TPCN2: variants seen among roughly 807,000 people sequenced by gnomAD.
TPCN2 encodes two pore channel protein 2.
In TPCN2, 92 loss-of-function variants were observed where a neutral mutation model predicts 111.4. The ratio of observed to expected loss-of-function variants is 0.83; its 90% CI spans 0.70 to 0.98. The LOEUF is 0.98. Among genes scored for constraint, TPCN2 ranks in the 50% least tolerant of loss-of-function variants. The pLI is 0.00. For synonymous variants in TPCN2, 405 were observed against 414.5 expected (o/e 0.98, Z 0.28); for missense variants, 995 against 980.1 (o/e 1.02, Z -0.20).
rs369133245 is a variant in TPCN2 at position 69,063,926 on chromosome 11, C to T, written c.685C>T (p.Leu229Phe). The T allele has an allele frequency of 5.0e-6, 8 of 1,614,156 alleles. No individual in the cohort carries two copies. The South Asian group carries it at 8.8e-5, about 18-fold the overall frequency. ...GCTGCTGCTGGCCATCCACCTGTGCCTCTTCACCATGTTCGGAATGCTGCT... is the reference window on the plus strand; with the variant it reads ...GCTGCTGCTGGCCATCCACCTGTGCTTCTTCACCATGTTCGGAATGCTGCT... ...VGLLLAIHLC[L>F]FTMFGMLLFA... Residue 229 changes from leucine to phenylalanine, a missense_variant, in exon 7 of 25, where the codon CTC (leucine) becomes TTC (phenylalanine). Leu to Phe is a conservative substitution (Grantham distance 22). Transcript: ENST00000294309.
intron 7 of TPCN2, among the ~76,000 whole-genome samples, chr11:69,064,665 T>C (rs1855183777): frequency 6.6e-6 from 1 of 152,150 alleles, no homozygotes; most frequent in Non-Finnish European, 1.5e-5. Context: ...GTTGTGGGAG[T>C]GGACAGTGCT....
rs983333296 is a variant in TPCN2 at position 69,062,891 on chromosome 11, G to A, written c.554G>A (p.Arg185Gln). The change falls in exon 6 of 25, where the codon CGG becomes CAG. Residue 185 changes from arginine (R) to glutamine (Q), a missense_variant. By Grantham distance (43) the Arg-to-Gln change is conservative. Coordinates refer to ENST00000294309, the MANE Select transcript of TPCN2 (RefSeq NM_139075.4). Reference protein sequence around the residue: ...SLSLVCHEPLRIRRLLRPFFL... With the variant: ...SLSLVCHEPLQIRRLLRPFFL... ...TTCCTGGGTCTCTTCCAGCCCCTGCGGATCCGCCGGCTTCTCCGTCCCTTC... is the reference window on the plus strand; with the variant it reads ...TTCCTGGGTCTCTTCCAGCCCCTGCAGATCCGCCGGCTTCTCCGTCCCTTC... 9 of 1,613,904 alleles carry A rather than the reference G, an allele frequency of 5.6e-6. No individual in the cohort carries two copies. The highest frequency in any genetic ancestry group is 2.7e-5 in the African/African-American group (2 of 75,054).
intron 1 of TPCN2, among the ~76,000 whole-genome samples, chr11:69,053,495 A>G (rs538727850): frequency 3.5e-4 from 53 of 152,172 alleles, no homozygotes; most frequent in Non-Finnish European, 5.9e-4. Context: ...CACTGGGTAC[A>G]GTGTCCTGGC....
chr11:69,060,666 G>C (rs1197188020), intron 5 of TPCN2, among the ~76,000 whole-genome samples: 1 of 152,202 alleles, frequency 6.6e-6, no homozygotes, highest in Admixed American at 6.5e-5. Context: ...GTCAAGGGAA[G>C]GCCCTCAGGT....
intron 5 of TPCN2, among the ~76,000 whole-genome samples, chr11:69,061,236 G>A (rs540803361): frequency 3.9e-5 from 6 of 152,320 alleles, no homozygotes; most frequent in East Asian, 1.9e-4. Context: ...TGCAGGTTGC[G>A]GGGGCTGAGC....
intron 5 of TPCN2, among the ~76,000 whole-genome samples, chr11:69,061,417 C>G (rs1196220173): frequency 6.6e-6 from 1 of 152,212 alleles, no homozygotes; most frequent in East Asian, 1.9e-4. Context: ...CTCTGCGTTT[C>G]TAAAACAAGA....
At chr11:69,055,779 A>G (rs4930645) in intron 4 of TPCN2, among the ~76,000 whole-genome samples, 128,817 of 150,488 alleles carry the variant, frequency 0.86, 57,081 homozygotes, top group Non-Finnish European at 0.99. Flanking sequence ...GCGCAGGCTG[A>G]CAGGGCCTCT....
intron 18 of TPCN2, among the ~76,000 whole-genome samples, chr11:69,081,936 C>T (rs12576418): frequency 0.026 from 3,936 of 152,222 alleles, 371 homozygotes; most frequent in East Asian, 0.21. Flanking sequence ...TCATGACCAT[C>T]TCTGAGGGCT....
At chr11:69,072,770 G>T (rs1855591958) in intron 12 of TPCN2, 62 bp downstream of exon 12, 1 of 1,596,924 alleles carries the variant, frequency 6.3e-7, no homozygotes, top group Admixed American at 1.7e-5. Flanking sequence ...TGGGCCAGCA[G>T]CCCCTTTTCA....
At chr11:69,049,941 C>T (rs1861146344) in intron 1 of TPCN2, among the ~76,000 whole-genome samples, 1 of 152,226 alleles carries the variant, frequency 6.6e-6, no homozygotes, top group Admixed American at 6.5e-5. Context: ...GGTCACAGCC[C>T]TCTGTTCTGG....
Position 69,072,039 on chromosome 11 carries a change from G to A in TPCN2, c.1061+16G>A. 6.2e-7 allele frequency: 1 copy of A among 1,603,034 alleles called. No individual in the cohort carries two copies. Among genetic ancestry groups the A allele is most frequent in the Non-Finnish European group, 8.5e-7 (1 of 1,171,398 alleles). On this transcript the variant is annotated intron_variant, in intron 11 of 24. Transcript: ENST00000294309. ...TCCCTCAGGCGTGAGTGCTGGGCAT[G>A]GACCCTCTTCTCCCTGAGGGTGGGT...
chr11:69,084,964 G>C, intron 19 of TPCN2: 1 of 339,900 alleles, frequency 2.9e-6, no homozygotes, highest in Non-Finnish European at 4.2e-6. Flanking sequence ...CCTGGGGGCA[G>C]GGCCCTAATT....
chr11:69,053,131 G>C lies in TPCN2; in HGVS notation c.110-902G>C, dbSNP rs573148506. On this transcript the variant is annotated intron_variant, in intron 1 of 24. Coordinates refer to ENST00000294309, the MANE Select transcript of TPCN2 (RefSeq NM_139075.4). Reference sequence around the variant, plus strand: ...GGCTTGTGAGCAGGCCAGGGTGCTGGGTCCTGGCTTCTGTGCCGCCTGACT... The same window carrying C: ...GGCTTGTGAGCAGGCCAGGGTGCTGCGTCCTGGCTTCTGTGCCGCCTGACT... Among the ~76,000 whole-genome samples the C allele has an allele frequency of 2.6e-5, 4 of 152,344 alleles. No individual in the cohort carries two copies. The South Asian group carries it at 8.3e-4, about 32-fold the overall frequency.
At chr11:69,058,827 G>T (rs1203613458) in intron 5 of TPCN2, among the ~76,000 whole-genome samples, 2 of 152,244 alleles carry the variant, frequency 1.3e-5, no homozygotes, top group Non-Finnish European at 1.5e-5. Context: ...AGCAAAGGGA[G>T]CGAGGATAGC....
At position 69,088,431 on chromosome 11, in the gene TPCN2, A is replaced by G. The variant is rs1348372156; in HGVS notation, c.*478A>G. 1.9e-5 allele frequency: 3 copies of G among 160,646 alleles called. No individual in the cohort carries two copies. Among genetic ancestry groups the G allele is most frequent in the East Asian group, 1.8e-4 (1 of 5,474 alleles). 10.0% of individuals were successfully genotyped at this position (160,646 alleles called of 1,614,324 possible). A position where few individuals can be genotyped will look rare whatever the true frequency, so the allele number is the denominator to read the frequency against. On this transcript the variant is annotated 3_prime_UTR_variant, in exon 25 of 25. Coordinates refer to ENST00000294309, the MANE Select transcript of TPCN2 (RefSeq NM_139075.4). Reference sequence around the variant, plus strand: ...TGTGTTTTATTATTTCATGGCTTGTATGAGTGTGACTGGGTGTGTTTCTTT... The same window carrying G: ...TGTGTTTTATTATTTCATGGCTTGTGTGAGTGTGACTGGGTGTGTTTCTTT...
chr11:69,058,498 C>T (rs1854874527), intron 5 of TPCN2, among the ~76,000 whole-genome samples: 1 of 143,170 alleles, frequency 7.0e-6, no homozygotes, highest in African/African-American at 2.5e-5. Flanking sequence ...CCCAGAAGCT[C>T]AATGAGGTTG....
intron 22 of TPCN2, 80 bp downstream of exon 22, chr11:69,086,010 A>T: frequency 7.2e-7 from 1 of 1,384,956 alleles, no homozygotes; most frequent in Non-Finnish European, 1.0e-6. Flanking sequence ...CTGCATCTGC[A>T]CTGGACGCCC....
At position 69,089,925 on chromosome 11, in the gene TPCN2, G is replaced by A. The variant is rs1157812926; in HGVS notation, c.*1972G>A. On this transcript the variant is annotated 3_prime_UTR_variant, in exon 25 of 25. Coordinates refer to ENST00000294309, the MANE Select transcript of TPCN2 (RefSeq NM_139075.4). Reference sequence around the variant, plus strand: ...TTCTTCTGCCTTTTGTGTTTTTTTTGTTATGTACCTACAGTTCTTTAGCTG... The same window carrying A: ...TTCTTCTGCCTTTTGTGTTTTTTTTATTATGTACCTACAGTTCTTTAGCTG... 1 of 150,582 alleles carries A rather than the reference G, an allele frequency of 6.6e-6. No individual in the cohort carries two copies. Among genetic ancestry groups the A allele is most frequent in the East Asian group, 1.9e-4 (1 of 5,136 alleles). 9.3% of individuals were successfully genotyped at this position (150,582 alleles called of 1,614,324 possible).
intron 7 of TPCN2, among the ~76,000 whole-genome samples, chr11:69,064,198 G>T (rs558460855): frequency 2.0e-5 from 3 of 152,196 alleles, no homozygotes; most frequent in Admixed American, 2.0e-4. Flanking sequence ...AGGGCCACTT[G>T]TCCTTTGTCC....
Sources: gnomAD v4.1 joint callset for allele counts (sites outside exome capture counted in the v4.1 genomes callset) on GRCh38, gnomAD v4.1.1 for gene constraint, MANE v1.5 for transcripts, NCBI Gene and HGNC (gene_info 2026-07-23, HGNC 2026-07-21) for gene names.